ATE1: variants seen among roughly 807,000 people sequenced by gnomAD.
The protein encoded by ATE1 is arginyl-tRNA--protein transferase 1.
Under a neutral mutation model 70.5 loss-of-function variants are expected in ATE1, and 36 were observed. The ratio of observed to expected loss-of-function variants is 0.51; its 90% CI spans 0.39 to 0.67. The LOEUF is 0.67. Ranked by LOEUF, ATE1 falls within the 30% of genes least tolerant of loss-of-function variation. The pLI is 0.00. For synonymous variants in ATE1, 232 were observed against 219.3 expected (o/e 1.06, Z -0.51); for missense variants, 593 against 629.5 (o/e 0.94, Z 0.62).
At chr10:121,869,859 G>A in intron 8 of ATE1, 147 bp downstream of exon 8, 1 of 598,746 alleles carries the variant, frequency 1.7e-6, no homozygotes, top group Non-Finnish European at 2.7e-6. Flanking sequence ...AAAGCCTGCA[G>A]TAACTCACTC....
chr10:121,907,294 A>G (rs1951233580), intron 5 of ATE1, among the ~76,000 whole-genome samples: 1 of 151,956 alleles, frequency 6.6e-6, no homozygotes, highest in Admixed American at 6.6e-5. Flanking sequence ...ATTTCTACTA[A>G]AAGTACCTAA....
At position 121,790,241 on chromosome 10, in the gene ATE1, C is replaced by T. The variant is rs1206270656; in HGVS notation, c.1306G>A (p.Val436Ile). ...GAAGGCAGGCATTGCTCAATGGGTA[C>T]CCAAACATATGTCTCAGGGCACAGC... ...DLLCPETYVW[V>I]PIEQCLPSLE... The change falls in exon 11 of 12, where the codon GTA becomes ATA. Residue 436 changes from valine (V) to isoleucine (I), a missense_variant. Val to Ile is a conservative substitution (Grantham distance 29). Coordinates refer to ENST00000224652, the MANE Select transcript of ATE1 (RefSeq NM_001001976.3). The T allele has an allele frequency of 6.2e-7, 1 of 1,613,860 alleles. No homozygotes were observed. Among genetic ancestry groups the T allele is most frequent in the African/African-American group, 1.3e-5 (1 of 74,858 alleles).
chr10:121,892,875 G>A (rs1950628941), intron 7 of ATE1, among the ~76,000 whole-genome samples: 1 of 152,188 alleles, frequency 6.6e-6, no homozygotes, highest in Non-Finnish European at 1.5e-5. Flanking sequence ...TAAGACCACT[G>A]ACATCCAGGG....
At position 121,899,931 on chromosome 10, in the gene ATE1, G is replaced by C. The variant is rs754103610; in HGVS notation, c.877C>G (p.Gln293Glu). 2 of 1,613,916 alleles carry C rather than the reference G, an allele frequency of 1.2e-6. No individual in the cohort carries two copies. Among genetic ancestry groups the C allele is most frequent in the Non-Finnish European group, 1.7e-6 (2 of 1,179,886 alleles). ...ACCATCTGGTAACGTTTATAGACCT[G>C]GTAAGACTCCAGAAGTGTGGCTTTG... The part of the protein sequence containing the change: ...QFKATLLESY[Q>E]VYKRYQMVIH... The change falls in exon 7 of 12, where the codon CAG becomes GAG. Residue 293 changes from glutamine to glutamate, a missense_variant. This residue lies in a region of ATE1 where 467 missense variants were observed against 469.6 expected (regional missense o/e 0.99). Coordinates refer to ENST00000224652, the MANE Select transcript of ATE1 (RefSeq NM_001001976.3).
intron 7 of ATE1, among the ~76,000 whole-genome samples, chr10:121,887,354 C>T (rs1311465401): frequency 6.6e-6 from 1 of 152,120 alleles, no homozygotes; most frequent in Admixed American, 6.5e-5. Flanking sequence ...AATAAGCATC[C>T]CTCAGAAGTA....
intron 10 of ATE1, among the ~76,000 whole-genome samples, chr10:121,807,511 C>T (rs1304042535): frequency 6.6e-6 from 1 of 152,198 alleles, no homozygotes; most frequent in Non-Finnish European, 1.5e-5. Flanking sequence ...TTGAACTTCA[C>T]ATAGCAAACT....
At chr10:121,923,992 C>T (rs1951982410) in intron 2 of ATE1, among the ~76,000 whole-genome samples, 1 of 152,130 alleles carries the variant, frequency 6.6e-6, no homozygotes, top group Non-Finnish European at 1.5e-5. Flanking sequence ...AAAGGTGGAG[C>T]AGGAGAATCA....
intron 11 of ATE1, among the ~76,000 whole-genome samples, chr10:121,745,714 A>C (rs61380105): frequency 6.7e-6 from 1 of 150,214 alleles, no homozygotes; most frequent in Non-Finnish European, 1.5e-5. Context: ...GCGACAGAGC[A>C]AGACTCTGTC....
chr10:121,745,090 TTGCC>T (rs144980706), intron 11 of ATE1, among the ~76,000 whole-genome samples: 14,779 of 152,202 alleles, frequency 0.097, 922 homozygotes, highest in South Asian at 0.21. Context: ...CAGCTCCAGG[TTGCC>T]TATGTCTAGA....
chr10:121,919,096 G>A (rs1447657528), intron 3 of ATE1, among the ~76,000 whole-genome samples: 1 of 152,036 alleles, frequency 6.6e-6, no homozygotes, highest in Non-Finnish European at 1.5e-5. Flanking sequence ...ATAAAAGCTG[G>A]CCACCCTACC....
At chr10:121,831,336 G>A (rs779820645) in intron 10 of ATE1, among the ~76,000 whole-genome samples, 4 of 152,032 alleles carry the variant, frequency 2.6e-5, no homozygotes, top group Non-Finnish European at 5.9e-5. Flanking sequence ...CTCATATTTT[G>A]CATATAAACT....
chr10:121,790,921 A>T (rs2133277511), intron 10 of ATE1, among the ~76,000 whole-genome samples: 1 of 150,024 alleles, frequency 6.7e-6, no homozygotes, highest in East Asian at 2.0e-4. Context: ...TTAAAATTCC[A>T]TTTAAAAATT....
chr10:121,791,536 A>G (rs145006815), intron 10 of ATE1, among the ~76,000 whole-genome samples: 5 of 152,364 alleles, frequency 3.3e-5, no homozygotes, highest in Non-Finnish European at 5.9e-5. Flanking sequence ...GAAAATTTTC[A>G]TAACTATCAA....
At chr10:121,785,617 C>T (rs190954378) in intron 11 of ATE1, among the ~76,000 whole-genome samples, 1 of 152,210 alleles carries the variant, frequency 6.6e-6, no homozygotes, top group Non-Finnish European at 1.5e-5. Context: ...AAGAAAGAGG[C>T]CTTTAAACAG....
intron 5 of ATE1, among the ~76,000 whole-genome samples, chr10:121,906,137 A>C (rs1224939727): frequency 1.3e-5 from 2 of 152,062 alleles, no homozygotes; most frequent in Non-Finnish European, 2.9e-5. Flanking sequence ...TCATGTCTCT[A>C]AATCCCAGCA....
At chr10:121,829,448 G>GA (rs11453366) in intron 10 of ATE1, among the ~76,000 whole-genome samples, 42,941 of 147,876 alleles carry the variant, frequency 0.29, 6,800 homozygotes, top group South Asian at 0.44. Flanking sequence ...AAAAAGGAAA[G>GA]AAAAAAAAAA....
At chr10:121,763,644 C>T (rs1945149921) in intron 11 of ATE1, among the ~76,000 whole-genome samples, 1 of 152,066 alleles carries the variant, frequency 6.6e-6, no homozygotes, top group African/African-American at 2.4e-5. Flanking sequence ...ACTTCTAGGC[C>T]CATGAAACTC....
intron 8 of ATE1, among the ~76,000 whole-genome samples, chr10:121,847,147 G>A (rs1429541717): frequency 1.3e-5 from 2 of 152,132 alleles, no homozygotes; most frequent in Non-Finnish European, 2.9e-5. Flanking sequence ...GAGACTACCT[G>A]TCTTTAAAAA....
intron 8 of ATE1, among the ~76,000 whole-genome samples, chr10:121,856,358 C>T (rs1289834933): frequency 6.6e-6 from 1 of 150,718 alleles, no homozygotes; most frequent in African/African-American, 2.4e-5. Context: ...GAAGAAATCC[C>T]GTCTCTACTA....
Sources: allele counts gnomAD v4.1 joint callset (sites outside exome capture counted in the v4.1 genomes callset), GRCh38; gene constraint gnomAD v4.1.1; regional missense constraint gnomAD v4.1.1; transcripts MANE v1.5; gene names NCBI Gene and HGNC (gene_info 2026-07-23, HGNC 2026-07-21).